Variants in HMCN1 observed in about 807,000 individuals in gnomAD.
The protein encoded by HMCN1 is hemicentin 1.
In HMCN1, 321 loss-of-function variants were observed where a neutral mutation model predicts 625.9. That is an observed-to-expected ratio of 0.51 (90% CI 0.47 to 0.56). The LOEUF (loss-of-function observed/expected upper bound fraction) is 0.56, where lower values mean the gene tolerates loss of function less well. HMCN1 is among the 20% of genes least tolerant of loss of function. The pLI is 0.00. For missense variants in HMCN1, 6,588 were observed against 6,887.3 expected, an observed-to-expected ratio of 0.96 and a Z score of 1.54; for synonymous variants, 2,425 against 2,417.6, an observed-to-expected ratio of 1.00 and a Z score of -0.09.
At chr1:185,924,938 C>A in intron 8 of HMCN1, 109 bp from the exon 9 acceptor site, 2 of 961,722 alleles carry the variant, frequency 2.1e-6, no homozygotes, top group Middle Eastern at 2.1e-4. Context: ...AGAGGATTTA[C>A]TGGAATAATT....
chr1:185,881,983 G>A (rs1664337636), intron 4 of HMCN1, among the ~76,000 whole-genome samples: 1 of 152,120 alleles, frequency 6.6e-6, no homozygotes, highest in African/African-American at 2.4e-5. Flanking sequence ...GAAAGTTGAA[G>A]TTCTGAATTT....
intron 4 of HMCN1, among the ~76,000 whole-genome samples, chr1:185,897,012 G>A (rs1033889731): frequency 6.6e-6 from 1 of 151,988 alleles, no homozygotes; most frequent in East Asian, 1.9e-4. Context: ...CTTTCCTTTT[G>A]TAATTCTGGT....
chr1:186,114,513 C>T (rs1333880416), intron 73 of HMCN1, among the ~76,000 whole-genome samples: 2 of 152,142 alleles, frequency 1.3e-5, no homozygotes, highest in Non-Finnish European at 2.9e-5. Context: ...CCCACCTCAG[C>T]CTTCCACAGT....
intron 1 of HMCN1, among the ~76,000 whole-genome samples, chr1:185,755,941 G>T (rs531559060): frequency 2.0e-5 from 3 of 152,132 alleles, no homozygotes; most frequent in African/African-American, 4.8e-5. Flanking sequence ...GGAGTGCAGT[G>T]GCTGTTTACA....
At chr1:186,162,081 C>T (rs915991174) in intron 97 of HMCN1, among the ~76,000 whole-genome samples, 10 of 152,194 alleles carry the variant, frequency 6.6e-5, no homozygotes, top group Non-Finnish European at 1.3e-4. Context: ...TTGGTCTTTA[C>T]ACGTAGTCCC....
chr1:186,137,714 C>A, intron 88 of HMCN1, 46 bp downstream of exon 88: 1 of 1,613,744 alleles, frequency 6.2e-7, no homozygotes, highest in Non-Finnish European at 8.5e-7. Flanking sequence ...AATAGACCTT[C>A]ATTTCTGTCT....
In HMCN1 at chr1:186,088,736, T is replaced by A; in HGVS notation, c.9708T>A (p.Tyr3236Ter). ...ASNMEGKAQK[Y>*]YFLSIQVPPS... ...ATATGGAGGGAAAAGCCCAGAAATATTACTTTCTTTCAATTCAAGGTATGT... is the reference window on the plus strand; with the variant it reads ...ATATGGAGGGAAAAGCCCAGAAATAATACTTTCTTTCAATTCAAGGTATGT... The change falls in exon 63 of 107, where the codon TAT becomes TAA. Residue 3236 changes from tyrosine to a stop codon, truncating the protein, a stop_gained. Coordinates refer to ENST00000271588, the MANE Select transcript of HMCN1 (RefSeq NM_031935.3). LOFTEE classifies it high-confidence loss of function. 8 of 1,609,020 alleles carry A rather than the reference T, an allele frequency of 5.0e-6. No homozygotes were observed. Among genetic ancestry groups the A allele is most frequent in the Non-Finnish European group, 5.9e-6 (7 of 1,176,788 alleles).
At chr1:186,002,818 T>C (rs1399121215) in intron 28 of HMCN1, among the ~76,000 whole-genome samples, 1 of 152,120 alleles carries the variant, frequency 6.6e-6, no homozygotes, top group Non-Finnish European at 1.5e-5. Flanking sequence ...TAGGGACTGG[T>C]ACCTCCATCC....
rs895222795 is a variant in HMCN1 at position 186,007,293 on chromosome 1, T to C, written c.4630+11T>C. On this transcript the variant is annotated intron_variant, in intron 30 of 106. Coordinates refer to ENST00000271588, the MANE Select transcript of HMCN1 (RefSeq NM_031935.3). ...AACTGACTATCTATAGTAAGTGCGA[T>C]TGTCTTATGCTTTTTATTGTCTGCT... 1.2e-6 allele frequency: 2 copies of C among 1,612,448 alleles called. No individual in the cohort carries two copies. The highest frequency in any genetic ancestry group is 1.7e-5 in the Admixed American group (1 of 59,974).
At chr1:185,951,870 G>C (rs1165640907) in intron 11 of HMCN1, among the ~76,000 whole-genome samples, 1 of 151,832 alleles carries the variant, frequency 6.6e-6, no homozygotes, top group Non-Finnish European at 1.5e-5. Context: ...CACAGTGGAG[G>C]CAAGGAATTG....
chr1:186,130,707 G>A lies in HMCN1; in HGVS notation c.13230+10G>A, dbSNP rs750864179. 9 of 1,611,146 alleles carry A rather than the reference G, an allele frequency of 5.6e-6. No homozygotes were observed. The highest frequency in any genetic ancestry group is 2.2e-5 in the South Asian group (2 of 90,994). ...CATCTATGGCACTGTTGTAAGTCAC[G>A]CCAGAATGATTGATGCACCTTTAAA... is the stretch of plus-strand genomic sequence containing the variant. On this transcript the variant is annotated intron_variant, in intron 85 of 106. Transcript: ENST00000271588.
intron 6 of HMCN1, among the ~76,000 whole-genome samples, chr1:185,913,307 G>A (rs1666530202): frequency 6.6e-6 from 1 of 152,100 alleles, no homozygotes; most frequent in Non-Finnish European, 1.5e-5. Flanking sequence ...GGTATTTATT[G>A]AGTGTATTAG....
At chr1:185,786,869 G>A (rs1053963747) in intron 1 of HMCN1, among the ~76,000 whole-genome samples, 8 of 152,196 alleles carry the variant, frequency 5.3e-5, no homozygotes, top group South Asian at 2.1e-4. Flanking sequence ...CCAATGCTAC[G>A]TTTGCCAACA....
At chr1:186,162,328 T>C (rs1419209553) in intron 97 of HMCN1, among the ~76,000 whole-genome samples, 1 of 152,146 alleles carries the variant, frequency 6.6e-6, no homozygotes, top group African/African-American at 2.4e-5. Context: ...TCTACATTTT[T>C]TTTCAAAGTT....
intron 1 of HMCN1, among the ~76,000 whole-genome samples, chr1:185,782,308 C>A (rs937664656): frequency 2.4e-4 from 37 of 152,236 alleles, no homozygotes; most frequent in Non-Finnish European, 4.1e-4. Context: ...CCAATTTGCC[C>A]ATCTGTGTCT....
chr1:185,853,040 A>G (rs1014679858), intron 2 of HMCN1, among the ~76,000 whole-genome samples: 3 of 152,068 alleles, frequency 2.0e-5, no homozygotes, highest in Admixed American at 1.3e-4. Flanking sequence ...AGTTTCCTTT[A>G]TTGCTTCGCT....
intron 4 of HMCN1, among the ~76,000 whole-genome samples, chr1:185,883,302 A>C (rs1278548285): frequency 2.0e-5 from 3 of 152,070 alleles, no homozygotes; most frequent in African/African-American, 7.2e-5. Flanking sequence ...AAATGCATTC[A>C]TATTAAGTGT....
intron 11 of HMCN1, among the ~76,000 whole-genome samples, chr1:185,951,165 G>C (rs1410165043): frequency 7.4e-6 from 1 of 134,850 alleles, no homozygotes; most frequent in Non-Finnish European, 1.7e-5. Flanking sequence ...TACAAGAGGA[G>C]GACGCAAAGG....
Position 186,061,846 on chromosome 1 carries a change from T to C in HMCN1, c.7313-5T>C. 6.3e-7 allele frequency: 1 copy of C among 1,597,112 alleles called. No homozygotes were observed. Among genetic ancestry groups the C allele is most frequent in the Non-Finnish European group, 8.6e-7 (1 of 1,165,058 alleles). ...TTATCTTAAAAAGATGGTTTGCTTC[T>C]GCAGGAGGCAGGATGCTACGGCTGA... On this transcript the variant is annotated splice_region_variant and splice_polypyrimidine_tract_variant and intron_variant, in intron 46 of 106. Transcript: ENST00000271588.
Sources: allele counts gnomAD v4.1 joint callset (sites outside exome capture counted in the v4.1 genomes callset), GRCh38; gene constraint gnomAD v4.1.1; transcripts MANE v1.5; gene names NCBI Gene and HGNC (gene_info 2026-07-23, HGNC 2026-07-21).